The following LY9 variants were observed in gnomAD, a reference collection of about 807,000 sequenced individuals.
The protein encoded by LY9 is T-lymphocyte surface antigen Ly-9.
A neutral mutation model predicts 64.6 loss-of-function variants in LY9; 59 were observed. The observed-to-expected ratio is 0.91, with a 90% CI of 0.74 to 1.13. LY9 has a LOEUF of 1.13. Ranked by LOEUF, LY9 falls within the 50% of genes most tolerant of loss-of-function variation. The pLI, the probability that LY9 is intolerant of heterozygous loss-of-function variation, is 0.00. For synonymous variants in LY9, 281 were observed against 308.5 expected, an observed-to-expected ratio of 0.91 and a Z score of 0.93; for missense variants, 789 against 797.2, an observed-to-expected ratio of 0.99 and a Z score of 0.12.
chr1:160,819,442 C>A, intron 7 of LY9, 68 bp downstream of exon 7: 2 of 1,381,900 alleles, frequency 1.4e-6, no homozygotes, highest in African/African-American at 1.4e-5. Flanking sequence ...TCTTGCTGCT[C>A]AAAGTGTGGT....
chr1:160,817,935 T>C (rs579589), intron 5 of LY9, among the ~76,000 whole-genome samples: 47,161 of 151,960 alleles, frequency 0.31, 7,433 homozygotes, highest in South Asian at 0.42. Flanking sequence ...AAGGGCGCTG[T>C]AGGATCTGCA....
intron 7 of LY9, among the ~76,000 whole-genome samples, chr1:160,822,819 G>T (rs188445328): frequency 1.3e-5 from 2 of 152,144 alleles, no homozygotes; most frequent in Non-Finnish European, 2.9e-5. Context: ...ATTGCCTAAG[G>T]CCTGACCATT....
chr1:160,817,212 G>A (rs995048919), intron 5 of LY9, among the ~76,000 whole-genome samples: 9 of 152,100 alleles, frequency 5.9e-5, no homozygotes, highest in South Asian at 4.1e-4. Context: ...CTTAGAGCAC[G>A]TCTCGATTCC....
Position 160,799,756 on chromosome 1 carries a change from T to G in LY9, c.128T>G (p.Leu43Arg). 6.2e-7 allele frequency: 1 copy of G among 1,610,272 alleles called. No homozygotes were observed. Among genetic ancestry groups the G allele is most frequent in the South Asian group, 1.1e-5 (1 of 90,854 alleles). The change falls in exon 2 of 10, where the codon CTA becomes CGA. Residue 43 changes from leucine to arginine, a missense_variant. Transcript: ENST00000263285. The stretch of plus-strand genomic sequence containing the variant: ...AGTCCCTCTTCTATCTCTGCAGGAC[T>G]AAGAGCCTCTGGAAAGGACTCAGCC... ...QTSLLFLLMGLRASGKDSAPT... is the reference protein window; with the variant it reads ...QTSLLFLLMGRRASGKDSAPT...
chr1:160,807,301 A>G (rs1446803275), intron 2 of LY9, among the ~76,000 whole-genome samples: 1 of 152,092 alleles, frequency 6.6e-6, no homozygotes, highest in East Asian at 1.9e-4. Flanking sequence ...ATGCAGTAGT[A>G]TAGTATTTGT....
intron 5 of LY9, among the ~76,000 whole-genome samples, 176 bp downstream of exon 5, chr1:160,817,039 C>A (rs536550399): frequency 6.6e-6 from 1 of 152,002 alleles, no homozygotes; most frequent in Non-Finnish European, 1.5e-5. Context: ...CTAATAGCCA[C>A]GTTAGAAAAA....
chr1:160,797,627 C>T (rs949882527), intron 1 of LY9, among the ~76,000 whole-genome samples: 3 of 152,168 alleles, frequency 2.0e-5, no homozygotes, highest in African/African-American at 7.2e-5. Flanking sequence ...ATTAGGATGA[C>T]CTCAAATCTC....
chr1:160,816,679 G>A lies in LY9; in HGVS notation c.1158G>A (p.Glu386=). The change falls in exon 5 of 10, where the codon GAG becomes GAA. Residue 386 remains glutamate, a synonymous_variant. Coordinates refer to ENST00000263285, the MANE Select transcript of LY9 (RefSeq NM_002348.4). Reference sequence around the variant, plus strand: ...GGATCAGCCTGACCTGCTCCGTGGAGGACGGGGGAAACACTGTCATGTACA... The same window carrying A: ...GGATCAGCCTGACCTGCTCCGTGGAAGACGGGGGAAACACTGTCATGTACA... ...ICRISLTCSV[E]DGGNTVMYTW... 1 of 1,614,230 alleles carries A rather than the reference G, an allele frequency of 6.2e-7. No individual in the cohort carries two copies. The highest frequency in any genetic ancestry group is 8.5e-7 in the Non-Finnish European group (1 of 1,180,028).
rs6701362 is a variant in LY9 at position 160,816,960 on chromosome 1, T to A, written c.1342+97T>A. 4,982 of 1,251,286 alleles carry A rather than the reference T, an allele frequency of 4.0e-3. 159 individuals carry two copies. The African/African-American group carries it at 0.065, about 16-fold the overall frequency. 77.5% of individuals were successfully genotyped at this position (1,251,286 alleles called of 1,614,324 possible). On this transcript the variant is annotated intron_variant, in intron 5 of 9. Coordinates refer to ENST00000263285, the MANE Select transcript of LY9 (RefSeq NM_002348.4). Reference sequence around the variant, plus strand: ...CTTTATGAAGTGCAGTAAGAGGCTGTGGGTGAGAGCCCTTTAGAGTGGCAT... The same window carrying A: ...CTTTATGAAGTGCAGTAAGAGGCTGAGGGTGAGAGCCCTTTAGAGTGGCAT...
At chr1:160,819,990 A>G (rs539876691) in intron 7 of LY9, among the ~76,000 whole-genome samples, 1 of 152,256 alleles carries the variant, frequency 6.6e-6, no homozygotes, top group Non-Finnish European at 1.5e-5. Flanking sequence ...CATAGAAACA[A>G]AAGCCAAGAT....
In LY9 at chr1:160,807,085, T is replaced by G. The variant is rs531829918; in HGVS notation, c.455-6551T>G. On this transcript the variant is annotated intron_variant, in intron 2 of 9. Transcript: ENST00000263285. ...CAATTCCAGAATTCTATTCATTCTGTTTTTTAAATATCTATCTCTTTGGTT... is the reference window on the plus strand; with the variant it reads ...CAATTCCAGAATTCTATTCATTCTGGTTTTTAAATATCTATCTCTTTGGTT... Among the ~76,000 whole-genome samples the G allele has an allele frequency of 7.2e-5, 11 of 152,350 alleles. No homozygotes were observed. The South Asian group carries it at 2.3e-3, about 32-fold the overall frequency.
At position 160,827,844 on chromosome 1, in the gene LY9, T is replaced by C. The variant is rs2101848012; in HGVS notation, c.*28T>C. 6.3e-7 allele frequency: 1 copy of C among 1,590,874 alleles called. No individual in the cohort carries two copies. The highest frequency in any genetic ancestry group is 1.7e-4 in the Middle Eastern group (1 of 5,988). ...GGAAAAGCAGCTGCTGCCTCTCTCC[T>C]GGGACCGTGGGGTTGGAAAGTCAGC... On this transcript the variant is annotated 3_prime_UTR_variant, in exon 10 of 10. Transcript: ENST00000263285.
Position 160,823,607 on chromosome 1 carries a change from G to A in LY9, c.1641G>A (p.Glu547=), listed in dbSNP as rs755388310. Residue 547 remains glutamate, a synonymous_variant, in exon 8 of 10, where the codon GAG becomes GAA. Transcript: ENST00000263285. ...GCAACCTCACAACTGAGGAGGATGA[G>A]GACAGGCCTGAGGTGCACAAGCCCA... The part of the protein sequence containing the change: ...SDSNLTTEED[E]DRPEVHKPIS... 2.5e-6 allele frequency: 4 copies of A among 1,614,180 alleles called. No homozygotes were observed.
At chr1:160,822,226 T>C (rs1453314431) in intron 7 of LY9, among the ~76,000 whole-genome samples, 2 of 151,726 alleles carry the variant, frequency 1.3e-5, no homozygotes, top group Non-Finnish European at 2.9e-5. Context: ...GCTTCCTCTA[T>C]AGAGGAAGGG....
chr1:160,805,749 A>T (rs1323070502), intron 2 of LY9, among the ~76,000 whole-genome samples: 2 of 127,770 alleles, frequency 1.6e-5, no homozygotes, highest in African/African-American at 3.8e-5. Flanking sequence ...TCTCACACAC[A>T]CACACACACA....
At chr1:160,821,828 G>T (rs372582500) in intron 7 of LY9, among the ~76,000 whole-genome samples, 1 of 152,188 alleles carries the variant, frequency 6.6e-6, no homozygotes, top group East Asian at 1.9e-4. Flanking sequence ...CAGCCGGGAG[G>T]GGGCAGGATT....
intron 5 of LY9, 144 bp from the exon 6 acceptor site, chr1:160,818,074 G>A: frequency 1.6e-6 from 1 of 632,324 alleles, no homozygotes; most frequent in Non-Finnish European, 2.8e-6. Flanking sequence ...TCGAAAAATG[G>A]TTGTAGAATG....
chr1:160,819,739 C>T (rs1187331710), intron 7 of LY9, among the ~76,000 whole-genome samples: 4 of 148,346 alleles, frequency 2.7e-5, no homozygotes, highest in Non-Finnish European at 5.9e-5. Context: ...TGCAGTCAGC[C>T]TAGATCACGC....
At chr1:160,804,223 G>A (rs1666760097) in intron 2 of LY9, among the ~76,000 whole-genome samples, 1 of 152,154 alleles carries the variant, frequency 6.6e-6, no homozygotes. Flanking sequence ...GCTAATTGTG[G>A]AATTGTCATA....
Sources: gnomAD v4.1 joint callset for allele counts (sites outside exome capture counted in the v4.1 genomes callset) on GRCh38, gnomAD v4.1.1 for gene constraint, MANE v1.5 for transcripts, NCBI Gene and HGNC (gene_info 2026-07-23, HGNC 2026-07-21) for gene names.